The following GPATCH3 variants were observed in gnomAD, a reference collection of about 807,000 sequenced individuals.
The protein encoded by GPATCH3 is G patch domain-containing protein 3.
A neutral mutation model predicts 53.2 loss-of-function variants in GPATCH3; 45 were observed. The ratio of observed to expected loss-of-function variants is 0.85; its 90% CI spans 0.67 to 1.08. GPATCH3 has a LOEUF of 1.08. Ranked by LOEUF, GPATCH3 falls within the 50% of genes least tolerant of loss-of-function variation. The pLI is 0.00. For synonymous variants in GPATCH3, 280 were observed against 270.6 expected (o/e 1.03, Z -0.34); for missense variants, 680 against 687.2 (o/e 0.99, Z 0.12).
intron 1 of GPATCH3, among the ~76,000 whole-genome samples, chr1:26,898,316 T>C (rs1455558509): frequency 6.6e-6 from 1 of 151,534 alleles, no homozygotes; most frequent in Non-Finnish European, 1.5e-5. Flanking sequence ...CCTGATGAAC[T>C]TTTTTTTTCT....
Position 26,892,822 on chromosome 1 carries a change from G to T in GPATCH3, c.1112-31C>A, listed in dbSNP as rs117677053. 1.9e-6 allele frequency: 3 copies of T among 1,606,084 alleles called. No homozygotes were observed. In the South Asian group the frequency reaches 3.3e-5, roughly 18 times the overall value. On this transcript the variant is annotated intron_variant, in intron 4 of 6. Coordinates refer to ENST00000361720, the MANE Select transcript of GPATCH3 (RefSeq NM_022078.3). ...GAAACAGAGCTCAGTTTATGGAAGC[G>T]TCCCTCTCAAAGAAGGGGGAAGAAT...
intron 6 of GPATCH3, 92 bp downstream of exon 6, chr1:26,892,319 C>A: frequency 1.4e-6 from 2 of 1,480,098 alleles, no homozygotes; most frequent in Admixed American, 1.8e-5. Flanking sequence ...CGCACGAGTA[C>A]CCAGCAGCCA....
chr1:26,890,565 C>A lies in GPATCH3; in HGVS notation c.*445G>T. ...CCCGCGGACTCTCCGCTGGCAGTCC[C>A]ACCCAGTGAGGGTAGAGGCGGTGGA... On this transcript the variant is annotated 3_prime_UTR_variant, in exon 7 of 7. Coordinates refer to ENST00000361720, the MANE Select transcript of GPATCH3 (RefSeq NM_022078.3). The A allele has an allele frequency of 3.0e-6, 1 of 332,716 alleles. No individual in the cohort carries two copies. Among genetic ancestry groups the A allele is most frequent in the South Asian group, 2.9e-5 (1 of 34,742 alleles). 20.6% of individuals were successfully genotyped at this position (332,716 alleles called of 1,614,324 possible).
In GPATCH3 at chr1:26,891,196, C is replaced by A; in HGVS notation, c.1392G>T (p.Gly464=). The A allele has an allele frequency of 1.9e-6, 3 of 1,613,668 alleles. No individual in the cohort carries two copies. The highest frequency in any genetic ancestry group is 1.7e-4 in the Middle Eastern group (1 of 5,998). Residue 464 remains glycine (G), a synonymous_variant, in exon 7 of 7, where the codon GGG becomes GGT. Coordinates refer to ENST00000361720, the MANE Select transcript of GPATCH3 (RefSeq NM_022078.3). ...GYHGEKLQPF[G]QLKRPRRNGL... ...CATTTCTACGGGGCCTCTTCAGTTGCCCAAATGGCTGTAGCTTCTCTCCAT... is the reference window on the plus strand; with the variant it reads ...CATTTCTACGGGGCCTCTTCAGTTGACCAAATGGCTGTAGCTTCTCTCCAT...
chr1:26,900,333 C>T lies in GPATCH3; in HGVS notation c.110G>A (p.Arg37Gln), dbSNP rs1266735757. 1.9e-6 allele frequency: 3 copies of T among 1,614,092 alleles called. No individual in the cohort carries two copies. The highest frequency in any genetic ancestry group is 2.2e-5 in the East Asian group (1 of 44,882). ...GAGGAAGCCACCGCCGCGCTCTTCT[C>T]GGAACTGGCTAAAATAGCTCCGTAA... ...AHLRSYFSQF[R>Q]EERGGGFLCF... Residue 37 changes from arginine (R) to glutamine (Q), a missense_variant, in exon 1 of 7, where the codon CGA becomes CAA. Arg to Gln is a conservative substitution (Grantham distance 43). Coordinates refer to ENST00000361720, the MANE Select transcript of GPATCH3 (RefSeq NM_022078.3).
At chr1:26,892,004 G>A (rs562804040) in intron 6 of GPATCH3, among the ~76,000 whole-genome samples, 1 of 152,222 alleles carries the variant, frequency 6.6e-6, no homozygotes, top group East Asian at 1.9e-4. Flanking sequence ...ACTGCGCCCG[G>A]CTAATTTTTG....
chr1:26,891,505 G>C (rs1033715072), intron 6 of GPATCH3, among the ~76,000 whole-genome samples: 1 of 150,220 alleles, frequency 6.7e-6, no homozygotes, highest in Non-Finnish European at 1.5e-5. Flanking sequence ...TTAAGCCTTA[G>C]GGCTTACTCT....
chr1:26,892,903 ATC>A (rs1036267323), intron 4 of GPATCH3, 112 bp from the exon 5 acceptor site: 4 of 1,317,510 alleles, frequency 3.0e-6, no homozygotes, highest in African/African-American at 1.5e-5. Context: ...AGTGTTCTGT[ATC>A]TCTCTCATTA....
At chr1:26,897,156 T>A (rs1306561662) in intron 2 of GPATCH3, 145 bp downstream of exon 2, 2 of 698,656 alleles carry the variant, frequency 2.9e-6, no homozygotes, top group Non-Finnish European at 4.9e-6. Flanking sequence ...GCAAATATAG[T>A]TTTACATTCC....
chr1:26,894,625 C>T (rs543938830), intron 2 of GPATCH3, among the ~76,000 whole-genome samples: 7 of 152,264 alleles, frequency 4.6e-5, no homozygotes, highest in South Asian at 2.1e-4. Context: ...CTCACCTCTG[C>T]GCGTTTGGCC....
chr1:26,897,716 G>A lies in GPATCH3; in HGVS notation c.461C>T (p.Ser154Phe), dbSNP rs188435689. 2 of 1,609,360 alleles carry A rather than the reference G, an allele frequency of 1.2e-6. No homozygotes were observed. Among genetic ancestry groups the A allele is most frequent in the Admixed American group, 1.7e-5 (1 of 59,214 alleles). ...RLPTEASGLGSFPFKTRKELQ... is the reference protein window; with the variant it reads ...RLPTEASGLGFFPFKTRKELQ... The stretch of plus-strand genomic sequence containing the variant: ...TTCCTTCCGGGTCTTGAAGGGAAAG[G>A]AGCCCAGACCTTGGAAAGGAGGGAG... The change falls in exon 2 of 7, where the codon TCC (serine) becomes TTC (phenylalanine). Residue 154 changes from serine to phenylalanine, a missense_variant. Transcript: ENST00000361720.
At position 26,890,832 on chromosome 1, in the gene GPATCH3, G is replaced by C. The variant is rs758615985; in HGVS notation, c.*178C>G. 23 of 782,396 alleles carry C rather than the reference G, an allele frequency of 2.9e-5. No individual in the cohort carries two copies. Among genetic ancestry groups the C allele is most frequent in the South Asian group, 2.8e-4 (21 of 73,816 alleles). The allele number at this position is 782,396 out of a possible 1,614,324, so 48.5% of individuals were successfully genotyped here. On this transcript the variant is annotated 3_prime_UTR_variant, in exon 7 of 7. Coordinates refer to ENST00000361720, the MANE Select transcript of GPATCH3 (RefSeq NM_022078.3). ...ATATCCAAGGGGAGGGGACGGGAGG[G>C]GGCTTTTTGTAAAAATGCCCCTGAG...
In GPATCH3 at chr1:26,900,344, A is replaced by C; in HGVS notation, c.99T>G (p.Phe33Leu). The part of the protein sequence containing the change: ...VLRSAHLRSY[F>L]SQFREERGGG... ...CGCCGCGCTCTTCTCGGAACTGGCT[A>C]AAATAGCTCCGTAAATGGGCCGAGC... The change falls in exon 1 of 7, where the codon TTT becomes TTG. Residue 33 changes from phenylalanine to leucine, a missense_variant. Phe to Leu is a conservative substitution (Grantham distance 22, BLOSUM62 0). Coordinates refer to ENST00000361720, the MANE Select transcript of GPATCH3 (RefSeq NM_022078.3). 1 of 1,614,060 alleles carries C rather than the reference A, an allele frequency of 6.2e-7. No individual in the cohort carries two copies. Among genetic ancestry groups the C allele is most frequent in the Non-Finnish European group, 8.5e-7 (1 of 1,180,026 alleles).
At position 26,900,123 on chromosome 1, in the gene GPATCH3, G is replaced by A. The variant is rs1343156553; in HGVS notation, c.320C>T (p.Ser107Leu). The change falls in exon 1 of 7, where the codon TCG becomes TTG. Residue 107 changes from serine to leucine, a missense_variant. Ser to Leu is a moderately radical substitution (Grantham distance 145). Transcript: ENST00000361720. ...IQTRTCCCVI[S>L]VRGLAQAQRL... ...CTGAGCTTGAGCCAACCCCCTTACC[G>A]AGATGACGCAGCAGCAGGTGCGGGT... The A allele has an allele frequency of 5.0e-6, 8 of 1,614,184 alleles. No individual in the cohort carries two copies. In the South Asian group the frequency reaches 6.6e-5, roughly 13 times the overall value.
rs1033798677 is a variant in GPATCH3, at chr1:26,890,684, G to C, written c.*326C>G. 1.0e-5 allele frequency: 5 copies of C among 480,298 alleles called. No homozygotes were observed. Among genetic ancestry groups the C allele is most frequent in the Middle Eastern group, 4.1e-4 (1 of 2,466 alleles). The allele number at this position is 480,298 out of a possible 1,614,324, so 29.8% of individuals were successfully genotyped here. A position where few individuals can be genotyped will look rare whatever the true frequency, so the allele number is the denominator to read the frequency against. On this transcript the variant is annotated 3_prime_UTR_variant, in exon 7 of 7. Transcript: ENST00000361720. ...TCTGGCCTTCGTGGGGACACCTTCA[G>C]AGTCCCCAAGGAAGGCTGTGCTGAT...
At chr1:26,895,400 G>A (rs772842997) in intron 2 of GPATCH3, among the ~76,000 whole-genome samples, 4 of 151,810 alleles carry the variant, frequency 2.6e-5, no homozygotes, top group South Asian at 2.1e-4. Flanking sequence ...TGATGTGTGA[G>A]TGTAGTCCTA....
chr1:26,897,756 C>T, intron 1 of GPATCH3, 31 bp from the exon 2 acceptor site: 2 of 1,541,524 alleles, frequency 1.3e-6, no homozygotes, highest in Non-Finnish European at 8.7e-7. Flanking sequence ...GATCTTGAAA[C>T]CCAGAAGCCT....
At chr1:26,898,728 G>T (rs1243948425) in intron 1 of GPATCH3, among the ~76,000 whole-genome samples, 2 of 149,718 alleles carry the variant, frequency 1.3e-5, no homozygotes, top group African/African-American at 4.9e-5. Flanking sequence ...GTACAGTGGC[G>T]CGATCTTGAC....
In GPATCH3 at chr1:26,891,045, T is replaced by C. The variant is rs767702505; in HGVS notation, c.1543A>G (p.Ser515Gly). The C allele has an allele frequency of 1.9e-6, 3 of 1,614,054 alleles. No individual in the cohort carries two copies. The Admixed American group carries it at 5.0e-5, about 27-fold the overall frequency. Residue 515 changes from serine (S) to glycine (G), a missense_variant, in exon 7 of 7, where the codon AGT (serine) becomes GGT (glycine). Transcript: ENST00000361720. ...AATGAGGGGCTGTCTGAAGCACAAC[T>C]GGAACCCCTCACAAAGGCCATGTCT... ...RTDMAFVRGS[S>G]CASDSPSLPD
Sources: gnomAD v4.1 joint callset for allele counts (sites outside exome capture counted in the v4.1 genomes callset) on GRCh38, gnomAD v4.1.1 for gene constraint, MANE v1.5 for transcripts, NCBI Gene and HGNC (gene_info 2026-07-23, HGNC 2026-07-21) for gene names.